Variants in SLC28A3 observed in about 807,000 individuals in gnomAD.
SLC28A3 encodes solute carrier family 28 member 3, also known as concentrative Na(+)-nucleoside cotransporter 3.
A neutral mutation model predicts 84.2 loss-of-function variants in SLC28A3; 68 were observed. That is an observed-to-expected ratio of 0.81 (90% confidence interval 0.66 to 0.99). The LOEUF (loss-of-function observed/expected upper bound fraction) is 0.99, where lower values mean the gene tolerates loss of function less well. Among genes scored for constraint, SLC28A3 ranks in the 50% least tolerant of loss-of-function variants. The pLI is 0.00. For synonymous variants in SLC28A3, 267 were observed against 303.6 expected (o/e 0.88, Z 1.25); for missense variants, 712 against 841.5 (o/e 0.85, Z 1.90).
Position 84,306,369 on chromosome 9 carries a change from C to T in SLC28A3, c.243-1024G>A, listed in dbSNP as rs576522747. 3.9e-5 allele frequency among the ~76,000 whole-genome samples: 6 copies of T among 152,340 alleles called. No individual in the cohort carries two copies. In the East Asian group the frequency reaches 5.8e-4, roughly 15 times the overall value. ...CCCCGCCTTCCAACAGTCTCGCCTG[C>T]ACCTCCAAGTCAGCTTCCTCTCAAG... On this transcript the variant is annotated intron_variant, in intron 3 of 17. Coordinates refer to ENST00000376238, the MANE Select transcript of SLC28A3 (RefSeq NM_001199633.2).
At chr9:84,326,182 A>ATT (rs72267577) in intron 1 of SLC28A3, among the ~76,000 whole-genome samples, 1 of 149,092 alleles carries the variant, frequency 6.7e-6, no homozygotes, top group Admixed American at 6.7e-5. Context: ...TCACCTTTGA[A>ATT]TTTTTTTTTT....
At chr9:84,335,193 C>T (rs1207860926) in intron 1 of SLC28A3, among the ~76,000 whole-genome samples, 1 of 152,140 alleles carries the variant, frequency 6.6e-6, no homozygotes, top group African/African-American at 2.4e-5. Flanking sequence ...ACCAACAGGC[C>T]TCAAAGAGAA....
At chr9:84,358,665 A>G in the SLC28A3 span, among the ~76,000 whole-genome samples, 1 of 152,192 alleles carries the variant, frequency 6.6e-6, no homozygotes, top group African/African-American at 2.4e-5. Context: ...TTTTCTCCTC[A>G]GGGCCTAGCA....
chr9:84,314,155 G>A (rs1038071153), intron 1 of SLC28A3, among the ~76,000 whole-genome samples: 1 of 151,012 alleles, frequency 6.6e-6, no homozygotes, highest in Non-Finnish European at 1.5e-5. Context: ...ATGTTGAAAT[G>A]GGTTTTTTTT....
At chr9:84,303,387 C>A (rs150302515) in intron 4 of SLC28A3, among the ~76,000 whole-genome samples, 59 of 152,282 alleles carry the variant, frequency 3.9e-4, no homozygotes, top group African/African-American at 1.3e-3. Flanking sequence ...ATGGTGCGAT[C>A]TCGGCTCACT....
At chr9:84,337,415 G>A (rs774711324) in intron 1 of SLC28A3, among the ~76,000 whole-genome samples, 2 of 150,760 alleles carry the variant, frequency 1.3e-5, no homozygotes, top group Non-Finnish European at 2.9e-5. Flanking sequence ...AGAACCTTGA[G>A]GCCTGGGGAT....
intron 13 of SLC28A3, 59 bp from the exon 14 acceptor site, chr9:84,285,601 C>T: frequency 6.4e-7 from 1 of 1,568,958 alleles, no homozygotes; most frequent in Non-Finnish European, 8.8e-7. Flanking sequence ...AGTTTTGCCT[C>T]CTCAGTGACA....
intron 15 of SLC28A3, among the ~76,000 whole-genome samples, 164 bp downstream of exon 15, chr9:84,280,637 G>A (rs2118040623): frequency 6.6e-6 from 1 of 152,214 alleles, no homozygotes; most frequent in South Asian, 2.1e-4. Flanking sequence ...GGGTGTGCAA[G>A]GGAAAACTAT....
chr9:84,328,292 C>T lies in SLC28A3; in HGVS notation c.60+12282G>A, dbSNP rs181355839. Among the ~76,000 whole-genome samples, 516 of 148,938 alleles carry T rather than the reference C, an allele frequency of 3.5e-3. 4 individuals are homozygous for T. The highest frequency in any genetic ancestry group is 0.019 in the South Asian group (90 of 4,750). ...AATTAAAAGGCAGAGATTTGAAGAA[C>T]GGATTTTAAAAACCCATGATCTGAA... On this transcript the variant is annotated intron_variant, in intron 1 of 17. Coordinates refer to ENST00000376238, the MANE Select transcript of SLC28A3 (RefSeq NM_001199633.2).
intron 5 of SLC28A3, among the ~76,000 whole-genome samples, chr9:84,301,014 G>A (rs368044902): frequency 1.2e-4 from 19 of 152,018 alleles, no homozygotes; most frequent in East Asian, 3.9e-4. Flanking sequence ...CATATACCCC[G>A]TAAATATATA....
intron 12 of SLC28A3, among the ~76,000 whole-genome samples, chr9:84,287,367 C>T (rs114483484): frequency 0.017 from 2,643 of 151,914 alleles, 76 homozygotes; most frequent in African/African-American, 0.054. Context: ...ACCCTAAATC[C>T]CTTAGTCTTT....
chr9:84,324,471 CT>C (rs1826483931), intron 1 of SLC28A3, among the ~76,000 whole-genome samples: 3 of 152,030 alleles, frequency 2.0e-5, no homozygotes. Context: ...TGGTGAGACC[CT>C]GTCTCTACTA....
upstream of SLC28A3, among the ~76,000 whole-genome samples, chr9:84,342,105 A>G (rs7867415): frequency 0.051 from 7,314 of 144,662 alleles, 391 homozygotes; most frequent in East Asian, 0.17. Flanking sequence ...TCCCATCTGG[A>G]TGACAGAGTG....
At chr9:84,345,825 C>T in the SLC28A3 span, among the ~76,000 whole-genome samples, 2 of 152,124 alleles carry the variant, frequency 1.3e-5, no homozygotes, top group African/African-American at 4.8e-5. Context: ...GCTTTCAGAA[C>T]CAGTAAAAAT....
chr9:84,360,462 C>T, the SLC28A3 span, among the ~76,000 whole-genome samples: 233 of 151,570 alleles, frequency 1.5e-3, 1 homozygote, highest in African/African-American at 5.2e-3. Flanking sequence ...CTCATGGGGT[C>T]GTTAAAGTGT....
chr9:84,310,741 G>A (rs78042743), intron 2 of SLC28A3, among the ~76,000 whole-genome samples: 3,733 of 152,282 alleles, frequency 0.025, 158 homozygotes, highest in African/African-American at 0.085. Context: ...AGGAAGGTGT[G>A]AGGATAATTG....
At chr9:84,314,413 T>C (rs577340234) in intron 1 of SLC28A3, among the ~76,000 whole-genome samples, 1 of 152,290 alleles carries the variant, frequency 6.6e-6, no homozygotes, top group African/African-American at 2.4e-5. Flanking sequence ...AGTGAGGTAA[T>C]GGATAAATGG....
At chr9:84,360,089 C>A in the SLC28A3 span, among the ~76,000 whole-genome samples, 1,895 of 151,282 alleles carry the variant, frequency 0.013, 38 homozygotes, top group African/African-American at 0.044. Flanking sequence ...TGGGAAGGAA[C>A]CTTGAACCTG....
chr9:84,326,773 A>T (rs189570786), intron 1 of SLC28A3, among the ~76,000 whole-genome samples: 1 of 152,328 alleles, frequency 6.6e-6, no homozygotes, highest in South Asian at 2.1e-4. Context: ...TGGCAGGCCA[A>T]TGTGGGGAGA....
Sources: allele counts gnomAD v4.1 joint callset (sites outside exome capture counted in the v4.1 genomes callset), GRCh38; gene constraint gnomAD v4.1.1; transcripts MANE v1.5; gene names NCBI Gene and HGNC (gene_info 2026-07-23, HGNC 2026-07-21).